Variants in RNF111 observed in about 807,000 individuals in gnomAD.
RNF111 encodes the protein ring finger protein 111.
Under a neutral mutation model 95.1 loss-of-function variants are expected in RNF111, and 17 were observed. The ratio of observed to expected loss-of-function variants is 0.18; its 90% confidence interval spans 0.12 to 0.27. The LOEUF (loss-of-function observed/expected upper bound fraction) is 0.27. RNF111 is among the 10% of genes least tolerant of loss of function. The pLI, the probability that RNF111 is intolerant of heterozygous loss-of-function variation, is 1.00. For synonymous variants in RNF111, 440 were observed against 414.8 expected (o/e 1.06, Z -0.74); for missense variants, 1,189 against 1,210.4 (o/e 0.98, Z 0.26).
In RNF111 at chr15:59,080,151, C is replaced by T. The variant is rs549753506; in HGVS notation, c.1949-785C>T. On this transcript the variant is annotated intron_variant, in intron 7 of 13. Transcript: ENST00000348370. ...TTTTTTTTTTTTTGAGGTGGAGTCT[C>T]ACTCTGTCGCCCAGGCTGGGGTGCA... is the stretch of plus-strand genomic sequence containing the variant. Among the ~76,000 whole-genome samples, 36 of 116,326 alleles carry T rather than the reference C, an allele frequency of 3.1e-4. No homozygotes were observed. In the Admixed American group the frequency reaches 3.7e-3, roughly 12 times the overall value. The allele number at this position is 116,326 out of a possible 152,430, so 76.3% of individuals were successfully genotyped here.
At chr15:59,021,530 C>T (rs1355054407) in intron 1 of RNF111, among the ~76,000 whole-genome samples, 3 of 152,124 alleles carry the variant, frequency 2.0e-5, no homozygotes, top group Admixed American at 6.6e-5. Flanking sequence ...TATGTATGTA[C>T]CTGCTCCTTT....
At chr15:59,042,880 A>G (rs553615141) in intron 2 of RNF111, among the ~76,000 whole-genome samples, 1 of 152,068 alleles carries the variant, frequency 6.6e-6, no homozygotes, top group East Asian at 1.9e-4. Context: ...GAACTTTATA[A>G]TCAGTTTGTT....
At chr15:59,048,855 A>T (rs2041834019) in intron 2 of RNF111, among the ~76,000 whole-genome samples, 1 of 152,072 alleles carries the variant, frequency 6.6e-6, no homozygotes, top group African/African-American at 2.4e-5. Context: ...TGGGGGACTG[A>T]GGTGGGAGGA....
intron 3 of RNF111, among the ~76,000 whole-genome samples, chr15:59,052,786 C>T (rs571261985): frequency 1.3e-5 from 2 of 151,918 alleles, no homozygotes; most frequent in South Asian, 4.2e-4. Flanking sequence ...TATTGTTGCC[C>T]AGACTCTTTC....
intron 13 of RNF111, among the ~76,000 whole-genome samples, chr15:59,092,951 G>GAAA (rs1315437764): frequency 6.6e-6 from 1 of 152,126 alleles, no homozygotes; most frequent in Non-Finnish European, 1.5e-5. Flanking sequence ...AGTGAGCTTT[G>GAAA]AGCACACCAC....
At chr15:58,994,033 ATTTTT>A (rs371453519) in intron 1 of RNF111, among the ~76,000 whole-genome samples, 22 of 103,108 alleles carry the variant, frequency 2.1e-4, no homozygotes, top group East Asian at 1.2e-3. Flanking sequence ...TGTTACTTAA[ATTTTT>A]TTTTTTTTTT....
intron 5 of RNF111, among the ~76,000 whole-genome samples, chr15:59,060,925 G>A (rs2042409435): frequency 6.6e-6 from 1 of 151,652 alleles, no homozygotes; most frequent in South Asian, 2.1e-4. Flanking sequence ...AGTAGATGGG[G>A]GACCACAGGC....
intron 1 of RNF111, among the ~76,000 whole-genome samples, chr15:58,997,209 T>C (rs1435757930): frequency 6.6e-6 from 1 of 152,218 alleles, no homozygotes; most frequent in Admixed American, 6.5e-5. Context: ...CCAAGTCTTT[T>C]CTCTGAAGAT....
rs58003688 is a variant in RNF111, at chr15:58,999,150, T to C, written c.-20+11082T>C. 8.7e-3 allele frequency among the ~76,000 whole-genome samples: 1,326 copies of C among 152,312 alleles called. 15 individuals carry two copies. The highest frequency in any genetic ancestry group is 0.031 in the African/African-American group (1,269 of 41,556). On this transcript the variant is annotated intron_variant, in intron 1 of 13. Transcript: ENST00000348370. ...TACATATTTGTGTGAAACTGGATTT[T>C]CTTATAATTTAACCAGAACAGCATA... is the stretch of plus-strand genomic sequence containing the variant.
At chr15:59,035,916 T>C (rs909644540) in intron 2 of RNF111, among the ~76,000 whole-genome samples, 1 of 152,320 alleles carries the variant, frequency 6.6e-6, no homozygotes, top group Non-Finnish European at 1.5e-5. Context: ...CTCCAAACTT[T>C]TGCAACCTCT....
intron 1 of RNF111, among the ~76,000 whole-genome samples, chr15:59,024,900 A>G (rs551974541): frequency 3.9e-5 from 6 of 152,266 alleles, no homozygotes; most frequent in Admixed American, 2.6e-4. Context: ...ACTCTGGGTA[A>G]TTCATATAAG....
At chr15:59,069,672 A>G (rs1196759554) in intron 6 of RNF111, among the ~76,000 whole-genome samples, 6 of 152,172 alleles carry the variant, frequency 3.9e-5, no homozygotes, top group African/African-American at 1.4e-4. Context: ...ATTTGAAGGT[A>G]AAGAGAGTGA....
intron 4 of RNF111, among the ~76,000 whole-genome samples, chr15:59,057,312 C>A (rs1227538708): frequency 3.3e-5 from 5 of 152,230 alleles, no homozygotes; most frequent in African/African-American, 9.6e-5. Context: ...AACAGAAGTT[C>A]TTTTCCCCCT....
chr15:58,994,033 A>G (rs551797577), intron 1 of RNF111, among the ~76,000 whole-genome samples: 71 of 103,116 alleles, frequency 6.9e-4, no homozygotes, highest in Admixed American at 1.2e-3. Context: ...TGTTACTTAA[A>G]TTTTTTTTTT....
At chr15:59,015,696 A>G (rs1364241130) in intron 1 of RNF111, among the ~76,000 whole-genome samples, 1 of 150,938 alleles carries the variant, frequency 6.6e-6, no homozygotes, top group Non-Finnish European at 1.5e-5. Context: ...ATTTCTTAGC[A>G]TTGTTTGAAG....
intron 1 of RNF111, among the ~76,000 whole-genome samples, chr15:59,008,216 T>TTTTG (rs1195978324): frequency 6.6e-6 from 1 of 152,148 alleles, no homozygotes. Flanking sequence ...TCACGACCAT[T>TTTTG]TTTGTTTGTT....
At chr15:59,041,061 A>C (rs2041424504) in intron 2 of RNF111, among the ~76,000 whole-genome samples, 1 of 152,036 alleles carries the variant, frequency 6.6e-6, no homozygotes, top group Admixed American at 6.6e-5. Context: ...TTTTCACTTA[A>C]TATATACTAT....
At chr15:59,052,604 A>G (rs1443438120) in intron 3 of RNF111, among the ~76,000 whole-genome samples, 173 bp downstream of exon 3, 8 of 140,380 alleles carry the variant, frequency 5.7e-5, no homozygotes, top group African/African-American at 2.1e-4. Flanking sequence ...TAAGAGATAG[A>G]ATATTGCTAT....
At chr15:59,051,202 C>G (rs1283516050) in intron 2 of RNF111, among the ~76,000 whole-genome samples, 2 of 152,030 alleles carry the variant, frequency 1.3e-5, no homozygotes, top group Admixed American at 1.3e-4. Context: ...GCCTGTAATC[C>G]CAGCACTTTG....
Sources: allele counts gnomAD v4.1 joint callset (sites outside exome capture counted in the v4.1 genomes callset), GRCh38; gene constraint gnomAD v4.1.1; transcripts MANE v1.5; gene names NCBI Gene and HGNC (gene_info 2026-07-23, HGNC 2026-07-21).